MAGI1: variants seen among roughly 807,000 people sequenced by gnomAD.
MAGI1 encodes membrane-associated guanylate kinase, WW and PDZ domain-containing protein 1.
Under a neutral mutation model 139.9 loss-of-function variants are expected in MAGI1, and 58 were observed. That is an observed-to-expected ratio of 0.41 (90% CI 0.34 to 0.52). MAGI1 has a LOEUF of 0.52. Ranked by LOEUF, MAGI1 falls within the 20% of genes least tolerant of loss-of-function variation. The probability of loss-of-function intolerance (pLI) is 0.12; values close to 1 mark genes in which losing one functional copy is unlikely to be tolerated. For synonymous variants in MAGI1, 812 were observed against 737.9 expected, an observed-to-expected ratio of 1.10 and a Z score of -1.63; for missense variants, 1,874 against 1,901.6, an observed-to-expected ratio of 0.99 and a Z score of 0.27.
intron 2 of MAGI1, among the ~76,000 whole-genome samples, chr3:65,557,220 T>G (rs1428702029): frequency 6.6e-6 from 1 of 152,196 alleles, no homozygotes; most frequent in African/African-American, 2.4e-5. Context: ...CCCCTAAGAT[T>G]AGGTTATAAG....
intron 2 of MAGI1, among the ~76,000 whole-genome samples, chr3:65,543,762 G>T (rs180899351): frequency 7.9e-5 from 12 of 151,840 alleles, no homozygotes; most frequent in Admixed American, 5.3e-4. Flanking sequence ...GGATGGGGGG[G>T]GGTACAAGAG....
chr3:65,976,751 A>G (rs78885895), intron 1 of MAGI1, among the ~76,000 whole-genome samples: 5,412 of 152,300 alleles, frequency 0.036, 308 homozygotes, highest in African/African-American at 0.12. Flanking sequence ...AATTACATAC[A>G]AGAATTAATC....
intron 1 of MAGI1, chr3:65,872,681 G>A (rs1373185567): frequency 1.3e-5 from 2 of 152,030 alleles, no homozygotes; most frequent in African/African-American, 4.8e-5. Flanking sequence ...CATATGAATA[G>A]AAAAATAAAT....
chr3:65,390,260 C>A (rs1314687011), intron 14 of MAGI1, among the ~76,000 whole-genome samples: 2 of 152,074 alleles, frequency 1.3e-5, no homozygotes, highest in African/African-American at 4.8e-5. Context: ...CAGCTTCTCC[C>A]AGACCCTTCA....
intron 12 of MAGI1, among the ~76,000 whole-genome samples, chr3:65,426,520 T>C (rs1000791458): frequency 1.3e-5 from 2 of 152,178 alleles, no homozygotes; most frequent in Admixed American, 1.3e-4. Flanking sequence ...TGGAACAGTG[T>C]AGATGAGTTT....
intron 3 of MAGI1, 89 bp from the exon 4 acceptor site, chr3:65,478,887 T>TA (rs968346895): frequency 0.015 from 11,553 of 753,710 alleles, 3 homozygotes; most frequent in Middle Eastern, 0.026. Flanking sequence ...CTAGGCACAT[T>TA]AAAAAAAAAA....
intron 1 of MAGI1, among the ~76,000 whole-genome samples, chr3:65,884,816 T>A (rs943488662): frequency 1.3e-5 from 2 of 152,164 alleles, no homozygotes; most frequent in East Asian, 3.9e-4. Flanking sequence ...TGAGAGCACA[T>A]GGAATTTGGT....
intron 1 of MAGI1, among the ~76,000 whole-genome samples, chr3:66,002,932 T>C (rs780904114): frequency 6.6e-6 from 1 of 152,162 alleles, no homozygotes; most frequent in African/African-American, 2.4e-5. Context: ...TTGCACCTAA[T>C]GATTGACACT....
intron 1 of MAGI1, among the ~76,000 whole-genome samples, chr3:65,775,150 AC>A (rs1262143016): frequency 6.6e-6 from 1 of 152,160 alleles, no homozygotes; most frequent in Non-Finnish European, 1.5e-5. Flanking sequence ...TATGAATATA[AC>A]AAAGTATTTT....
intron 1 of MAGI1, among the ~76,000 whole-genome samples, chr3:65,843,632 T>C (rs2058884438): frequency 6.6e-6 from 1 of 152,082 alleles, no homozygotes; most frequent in South Asian, 2.1e-4. Flanking sequence ...ACCCCCAGAT[T>C]CTAGAGGACC....
chr3:65,848,660 G>GA (rs1423939354), intron 1 of MAGI1, among the ~76,000 whole-genome samples: 6 of 151,638 alleles, frequency 4.0e-5, no homozygotes, highest in Middle Eastern at 3.2e-3. Flanking sequence ...ATTAAGAGAT[G>GA]AAAAACCTAT....
At position 65,943,169 on chromosome 3, in the gene MAGI1, T is replaced by G. The variant is rs569678214; in HGVS notation, c.313+94827A>C. Among the ~76,000 whole-genome samples the G allele has an allele frequency of 2.9e-4, 44 of 152,350 alleles. No homozygotes were observed. In the South Asian group the frequency reaches 6.8e-3, roughly 24 times the overall value. On this transcript the variant is annotated intron_variant, in intron 1 of 22. Coordinates refer to ENST00000402939, the MANE Select transcript of MAGI1 (RefSeq NM_001033057.2). ...TACAGTTGCATTCGTCGTGCCAGAT[T>G]GGCTGTATTTTTGTTTTGTTCTGTG...
chr3:65,664,391 A>G (rs909706565), intron 1 of MAGI1, among the ~76,000 whole-genome samples: 3 of 152,188 alleles, frequency 2.0e-5, no homozygotes, highest in African/African-American at 7.2e-5. Context: ...TGTATAAGCT[A>G]TTGTTCTCAG....
intron 1 of MAGI1, among the ~76,000 whole-genome samples, chr3:65,932,420 C>T (rs977754941): frequency 6.6e-6 from 1 of 152,168 alleles, no homozygotes; most frequent in African/African-American, 2.4e-5. Flanking sequence ...TGCTCTCTCC[C>T]ATAGCAGGTA....
chr3:65,444,894 T>C (rs1948581347), intron 7 of MAGI1, among the ~76,000 whole-genome samples: 1 of 152,214 alleles, frequency 6.6e-6, no homozygotes, highest in African/African-American at 2.4e-5. Flanking sequence ...ATGTGGTCAT[T>C]AACTTAATCA....
intron 5 of MAGI1, among the ~76,000 whole-genome samples, chr3:65,458,919 T>A (rs1949588500): frequency 6.6e-6 from 1 of 152,214 alleles, no homozygotes. Flanking sequence ...TTTGTTTCGG[T>A]AGTTTCATAG....
chr3:65,477,112 G>A (rs1177542463), intron 4 of MAGI1, among the ~76,000 whole-genome samples: 1 of 152,102 alleles, frequency 6.6e-6, no homozygotes, highest in Non-Finnish European at 1.5e-5. Flanking sequence ...GCCAAGCCAG[G>A]GTAACAAACA....
At position 65,597,120 on chromosome 3, in the gene MAGI1, T is replaced by C. The variant is rs183671989; in HGVS notation, c.430+24852A>G. ...GCCGGAACAATGCAGCAACATACAT[T>C]TACCAACACCTGCTGGAGCCTATTA... On this transcript the variant is annotated intron_variant, in intron 2 of 22. Coordinates refer to ENST00000402939, the MANE Select transcript of MAGI1 (RefSeq NM_001033057.2). Among the ~76,000 whole-genome samples, 67 of 151,868 alleles carry C rather than the reference T, an allele frequency of 4.4e-4. No homozygotes were observed. The East Asian group carries it at 0.012, about 27-fold the overall frequency.
rs73115938 is a variant in MAGI1 at position 65,473,687 on chromosome 3, C to T, written c.758-3203G>A. ...GTCCTGCCAATGTTCCCAGACAATG[C>T]GTGAAGATGGAATATTAGCTCTCTG... On this transcript the variant is annotated intron_variant, in intron 4 of 22. Coordinates refer to ENST00000402939, the MANE Select transcript of MAGI1 (RefSeq NM_001033057.2). Among the ~76,000 whole-genome samples, 127 of 143,392 alleles carry T rather than the reference C, an allele frequency of 8.9e-4. 1 individual carries two copies. The highest frequency in any genetic ancestry group is 4.7e-3 in the South Asian group (21 of 4,496). The allele number at this position is 143,392 out of a possible 152,430, so 94.1% of individuals were successfully genotyped here.
Sources: gnomAD v4.1 joint callset for allele counts (sites outside exome capture counted in the v4.1 genomes callset) on GRCh38, gnomAD v4.1.1 for gene constraint, MANE v1.5 for transcripts, NCBI Gene and HGNC (gene_info 2026-07-23, HGNC 2026-07-21) for gene names.